Variants in DOCK3 observed in about 807,000 individuals in gnomAD.
DOCK3 encodes the protein dedicator of cytokinesis protein 3.
DOCK3 carries 60 observed loss-of-function variants against 265.6 expected under a neutral mutation model. The observed-to-expected ratio is 0.23, with a 90% CI of 0.18 to 0.28. The LOEUF is 0.28. DOCK3 is among the 10% of genes least tolerant of loss of function. DOCK3 has a pLI of 1.00. For synonymous variants in DOCK3, 881 were observed against 938.0 expected, an observed-to-expected ratio of 0.94 and a Z score of 1.11; for missense variants, 1,981 against 2,594.3, an observed-to-expected ratio of 0.76 and a Z score of 5.14.
At chr3:50,885,364 G>GTTTTTTTTTTTTTTTTTTT in intron 3 of DOCK3, among the ~76,000 whole-genome samples, 1 of 129,604 alleles carries the variant, frequency 7.7e-6, no homozygotes, top group Non-Finnish European at 1.7e-5. Context: ...TTTGTATGCA[G>GTTTTTTTTTTTTTTTTTTT]TTTTTTTTTT....
intron 5 of DOCK3, among the ~76,000 whole-genome samples, chr3:51,011,253 A>G (rs184424692): frequency 6.6e-6 from 1 of 152,346 alleles, no homozygotes; most frequent in East Asian, 1.9e-4. Context: ...ACTTTCAGGT[A>G]TACCAATCAG....
At chr3:51,152,134 A>G (rs546531356) in intron 10 of DOCK3, among the ~76,000 whole-genome samples, 4 of 152,202 alleles carry the variant, frequency 2.6e-5, no homozygotes, top group South Asian at 4.1e-4. Flanking sequence ...AGGTACACCA[A>G]TCAGACGTAG....
At chr3:50,977,613 C>T (rs1265511292) in intron 5 of DOCK3, among the ~76,000 whole-genome samples, 2 of 152,076 alleles carry the variant, frequency 1.3e-5, no homozygotes, top group Admixed American at 6.6e-5. Context: ...AATCTGACAA[C>T]TATGTGTCTT....
chr3:50,860,830 G>C (rs1388324729), intron 3 of DOCK3, among the ~76,000 whole-genome samples: 1 of 152,236 alleles, frequency 6.6e-6, no homozygotes, highest in Non-Finnish European at 1.5e-5. Context: ...CTTCTGAGGT[G>C]CCATGGAAGT....
chr3:51,223,890 T>C (rs991365651), intron 14 of DOCK3, among the ~76,000 whole-genome samples: 1 of 152,164 alleles, frequency 6.6e-6, no homozygotes, highest in African/African-American at 2.4e-5. Flanking sequence ...TCTACCTGTC[T>C]TTCCCACCCA....
At chr3:50,877,351 T>A (rs2047753368) in intron 3 of DOCK3, 1 of 460,674 alleles carries the variant, frequency 2.2e-6, no homozygotes, top group African/African-American at 2.0e-5. Context: ...CTTTCAGCAT[T>A]GTACTAGTAT....
chr3:50,692,910 A>G (rs2035344755), intron 1 of DOCK3, among the ~76,000 whole-genome samples: 1 of 152,080 alleles, frequency 6.6e-6, no homozygotes, highest in African/African-American at 2.4e-5. Context: ...CAATTTTCGT[A>G]TGTGTTATTA....
At chr3:51,328,252 C>T (rs1250663830) in intron 32 of DOCK3, among the ~76,000 whole-genome samples, 1 of 152,174 alleles carries the variant, frequency 6.6e-6, no homozygotes, top group African/African-American at 2.4e-5. Flanking sequence ...TCCAGGTCCC[C>T]TCCCCACATT....
intron 5 of DOCK3, among the ~76,000 whole-genome samples, chr3:50,969,201 G>T (rs944614637): frequency 6.6e-6 from 1 of 152,106 alleles, no homozygotes; most frequent in Non-Finnish European, 1.5e-5. Context: ...ACTTCTTGTT[G>T]AATTGTTCTC....
chr3:51,241,309 C>T (rs1000261370), intron 21 of DOCK3, among the ~76,000 whole-genome samples: 29 of 152,320 alleles, frequency 1.9e-4, no homozygotes, highest in African/African-American at 6.0e-4. Context: ...TCATGAGCTT[C>T]CCTTTGTAGG....
chr3:50,716,194 C>G (rs1440084994), intron 1 of DOCK3, among the ~76,000 whole-genome samples: 4 of 152,038 alleles, frequency 2.6e-5, no homozygotes, highest in South Asian at 2.1e-4. Flanking sequence ...GTTCCTTGCT[C>G]TCTGCTTTGT....
intron 27 of DOCK3, among the ~76,000 whole-genome samples, chr3:51,291,997 A>G (rs1220874643): frequency 1.3e-5 from 2 of 152,246 alleles, no homozygotes; most frequent in Non-Finnish European, 2.9e-5. Flanking sequence ...GGAGAAAAAC[A>G]TGATCATCTC....
intron 2 of DOCK3, among the ~76,000 whole-genome samples, chr3:50,800,263 T>G (rs932224328): frequency 2.6e-5 from 4 of 152,324 alleles, no homozygotes; most frequent in Non-Finnish European, 5.9e-5. Flanking sequence ...TGAGAAGACT[T>G]GGTATTAATT....
intron 7 of DOCK3, among the ~76,000 whole-genome samples, chr3:51,080,223 C>G (rs2109425698): frequency 6.6e-6 from 1 of 152,264 alleles, no homozygotes; most frequent in East Asian, 1.9e-4. Flanking sequence ...TTCCATATTG[C>G]TAGACTTTTG....
At chr3:51,191,092 G>T (rs572831615) in intron 12 of DOCK3, among the ~76,000 whole-genome samples, 1 of 152,154 alleles carries the variant, frequency 6.6e-6, no homozygotes, top group African/African-American at 2.4e-5. Flanking sequence ...CTAAGTTCCA[G>T]GCTGTCTACA....
intron 9 of DOCK3, among the ~76,000 whole-genome samples, chr3:51,092,883 A>G (rs1422863209): frequency 1.3e-5 from 2 of 152,196 alleles, no homozygotes; most frequent in African/African-American, 4.8e-5. Context: ...GTTCCGTTGC[A>G]GTTTTCTGCA....
chr3:51,007,379 G>A (rs1013211650), intron 5 of DOCK3, among the ~76,000 whole-genome samples: 1 of 152,174 alleles, frequency 6.6e-6, no homozygotes, highest in Admixed American at 6.5e-5. Flanking sequence ...GGCCAGTGAT[G>A]ATGAGCATTT....
At chr3:51,256,428 G>T (rs1418760127) in intron 22 of DOCK3, among the ~76,000 whole-genome samples, 1 of 151,934 alleles carries the variant, frequency 6.6e-6, no homozygotes, top group Non-Finnish European at 1.5e-5. Context: ...ATGCCACCAT[G>T]CCCAGCTAAT....
At chr3:50,919,253 G>C (rs1186493019) in intron 4 of DOCK3, among the ~76,000 whole-genome samples, 1 of 152,064 alleles carries the variant, frequency 6.6e-6, no homozygotes, top group Non-Finnish European at 1.5e-5. Context: ...ACTCTTTTTT[G>C]GTTCTATATG....
Sources: gnomAD v4.1 joint callset for allele counts (sites outside exome capture counted in the v4.1 genomes callset) on GRCh38, gnomAD v4.1.1 for gene constraint, MANE v1.5 for transcripts, NCBI Gene and HGNC (gene_info 2026-07-23, HGNC 2026-07-21) for gene names.